The following VPS51 variants were observed in gnomAD, a reference collection of about 807,000 sequenced individuals.
The protein encoded by VPS51 is VPS51 subunit of GARP complex, also known as vacuolar protein sorting-associated protein 51 homolog.
Under a neutral mutation model 65.1 loss-of-function variants are expected in VPS51, and 55 were observed. The observed-to-expected ratio is 0.84, with a 90% CI of 0.68 to 1.06. The LOEUF (loss-of-function observed/expected upper bound fraction) is 1.06. Among genes scored for constraint, VPS51 ranks in the 50% least tolerant of loss-of-function variants. The pLI, the probability that VPS51 is intolerant of heterozygous loss-of-function variation, is 0.00. For missense variants in VPS51, 943 were observed against 1,101.6 expected (o/e 0.86, Z 2.04); for synonymous variants, 473 against 489.5 (o/e 0.97, Z 0.44).
chr11:65,108,143 G>T, intron 4 of VPS51, 54 bp from the exon 5 acceptor site: 1 of 1,575,766 alleles, frequency 6.3e-7, no homozygotes. Context: ...TCCTGCTCCT[G>T]CCCCATCCAC....
At chr11:65,109,073 G>C (rs1947868177) in intron 5 of VPS51, 159 bp downstream of exon 5, 1 of 1,068,880 alleles carries the variant, frequency 9.4e-7, no homozygotes, top group African/African-American at 1.6e-5. Flanking sequence ...GGCATCTGCA[G>C]CTGGGCTGAG....
Position 65,107,553 on chromosome 11 carries a change from C to T in VPS51, c.359-28C>T. 6.4e-7 allele frequency: 1 copy of T among 1,559,474 alleles called. No individual in the cohort carries two copies. Among genetic ancestry groups the T allele is most frequent in the Non-Finnish European group, 8.7e-7 (1 of 1,145,304 alleles). On this transcript the variant is annotated intron_variant, in intron 2 of 9. Transcript: ENST00000279281. The surrounding 1 kb of genome is among the most constrained non-coding windows in gnomAD (Gnocchi z 4.0). ...CGCCCGCCCTGCAGTCACCTGCTCT[C>T]CCCTTTTCCCCGCCCCTGCCCTCCT... is the stretch of plus-strand genomic sequence containing the variant.
intron 2 of VPS51, among the ~76,000 whole-genome samples, chr11:65,105,985 C>T (rs553100977): frequency 2.6e-4 from 40 of 152,356 alleles, no homozygotes; most frequent in African/African-American, 6.3e-4. Context: ...GAGCTGAGAT[C>T]GCGCCACTGC....
At chr11:65,106,431 A>G (rs1590812072) in intron 2 of VPS51, among the ~76,000 whole-genome samples, 2 of 152,218 alleles carry the variant, frequency 1.3e-5, no homozygotes, top group Non-Finnish European at 2.9e-5. Flanking sequence ...AGAAGTGTTA[A>G]GCGAAGCAGG....
Position 65,107,951 on chromosome 11 carries a change from G to A in VPS51, c.654G>A (p.Ser218=). The A allele has an allele frequency of 1.3e-6, 2 of 1,567,352 alleles. No individual in the cohort carries two copies. The highest frequency in any genetic ancestry group is 8.6e-7 in the Non-Finnish European group (1 of 1,159,100). ...AVLQQYQHLP[S]FRAIQDDCQV... is the part of the protein sequence containing the mutation. ...TGCAGCAGTACCAACACCTGCCCTC[G>A]TTCCGCGCCATCCAGGACGACTGCC... Residue 218 remains serine, a synonymous_variant, in exon 4 of 10, where the codon TCG becomes TCA. Coordinates refer to ENST00000279281, the MANE Select transcript of VPS51 (RefSeq NM_013265.4). The surrounding 1 kb of genome is among the most constrained non-coding windows in gnomAD (Gnocchi z 4.0).
chr11:65,111,066 C>T (rs1590814649), intron 9 of VPS51: 3 of 709,068 alleles, frequency 4.2e-6, no homozygotes, highest in East Asian at 5.4e-5. Context: ...GGGTCCTCCC[C>T]AGGGTTTTCT....
chr11:65,104,169 T>G (rs1947827399), intron 2 of VPS51, among the ~76,000 whole-genome samples: 1 of 152,244 alleles, frequency 6.6e-6, no homozygotes, highest in Non-Finnish European at 1.5e-5. Flanking sequence ...CGTCAAGTGA[T>G]CTGCCTGCCT....
intron 2 of VPS51, among the ~76,000 whole-genome samples, chr11:65,098,488 T>A (rs1947785958): frequency 1.3e-5 from 2 of 152,230 alleles, no homozygotes; most frequent in Admixed American, 1.3e-4. Context: ...CTACTCAGAC[T>A]TTTGTAGTAA....
Position 65,107,519 on chromosome 11 carries a change from C to T in VPS51, c.359-62C>T. ...CTGTGAAGGGGTGGGTGAGAAGGAG[C>T]TGAGGTTGCGCCCGCCCTGCAGTCA... On this transcript the variant is annotated intron_variant, in intron 2 of 9. Coordinates refer to ENST00000279281, the MANE Select transcript of VPS51 (RefSeq NM_013265.4). The surrounding 1 kb of genome is among the most constrained non-coding windows in gnomAD (Gnocchi z 4.0). The T allele has an allele frequency of 6.5e-7, 1 of 1,532,328 alleles. No individual in the cohort carries two copies. The highest frequency in any genetic ancestry group is 8.8e-7 in the Non-Finnish European group (1 of 1,134,592). 94.9% of individuals were successfully genotyped at this position (1,532,328 alleles called of 1,614,324 possible). A position where few individuals can be genotyped will look rare whatever the true frequency, so the allele number is the denominator to read the frequency against.
Position 65,110,508 on chromosome 11 carries a change from TC to T in VPS51, c.1906del (p.Arg636AlafsTer40), listed in dbSNP as rs1201361813. The T allele has an allele frequency of 5.0e-6, 8 of 1,613,898 alleles. No homozygotes were observed. Among genetic ancestry groups the T allele is most frequent in the Non-Finnish European group, 6.8e-6 (8 of 1,180,000 alleles). ...QVGLLYEEGV[R>X]KAQSSDSSKR... Reference sequence around the variant, plus strand: ...TGGGGCTCCTGTACGAAGAGGGTGTTCGCAAGGCCCAGAGCAGCGACTCCAG... The same window carrying T: ...TGGGGCTCCTGTACGAAGAGGGTGTTGCAAGGCCCAGAGCAGCGACTCCAG... On this transcript the variant is annotated frameshift_variant, in exon 8 of 10. Coordinates refer to ENST00000279281, the MANE Select transcript of VPS51 (RefSeq NM_013265.4). LOFTEE classifies it high-confidence loss of function.
chr11:65,107,456 TG>T lies in VPS51; in HGVS notation c.359-123del. ...ACCCACGCCCTCGCAGTCCTTTCTC[TG>T]GAATCATCCATGCGCCCCTGGAGCA... On this transcript the variant is annotated intron_variant, in intron 2 of 9. Coordinates refer to ENST00000279281, the MANE Select transcript of VPS51 (RefSeq NM_013265.4). The surrounding 1 kb of genome is among the most constrained non-coding windows in gnomAD (Gnocchi z 4.0). 8.2e-7 allele frequency: 1 copy of T among 1,215,150 alleles called. No homozygotes were observed. The highest frequency in any genetic ancestry group is 1.1e-6 in the Non-Finnish European group (1 of 875,032). The allele number at this position is 1,215,150 out of a possible 1,614,324, so 75.3% of individuals were successfully genotyped here. A position where few individuals can be genotyped will look rare whatever the true frequency, so the allele number is the denominator to read the frequency against.
intron 9 of VPS51, 116 bp from the exon 10 acceptor site, chr11:65,111,211 T>C: frequency 1.3e-6 from 2 of 1,489,482 alleles, no homozygotes; most frequent in Non-Finnish European, 1.8e-6. Flanking sequence ...CCCGGAGACT[T>C]TCTGCCTCAT....
At position 65,110,769 on chromosome 11, in the gene VPS51, G is replaced by A. The variant is rs768520921; in HGVS notation, c.2076G>A (p.Val692=). The A allele has an allele frequency of 6.2e-7, 1 of 1,613,986 alleles. No homozygotes were observed. The highest frequency in any genetic ancestry group is 2.2e-5 in the East Asian group (1 of 44,898). Residue 692 remains valine (V), a synonymous_variant, in exon 9 of 10, where the codon GTG becomes GTA. Transcript: ENST00000279281. ...FSERIDVFSP[V]EFNKVSVLTG... is the part of the protein sequence containing the mutation. The stretch of plus-strand genomic sequence containing the variant: ...AACGTATTGATGTGTTCAGCCCTGT[G>A]GAGTTCAACAAGGTCCGACTTCCAA...
At chr11:65,111,091 C>A in intron 9 of VPS51, 1 of 749,770 alleles carries the variant, frequency 1.3e-6, no homozygotes, top group Non-Finnish European at 2.3e-6. Flanking sequence ...ACCCATGGTC[C>A]CTGCCCCGCC....
chr11:65,098,984 T>C (rs1220776310), intron 2 of VPS51, among the ~76,000 whole-genome samples: 2 of 152,102 alleles, frequency 1.3e-5, no homozygotes, highest in Non-Finnish European at 2.9e-5. Flanking sequence ...GGCTAGGAGT[T>C]CAAGACCAGC....
chr11:65,108,315 AAGG>A lies in VPS51; in HGVS notation c.847_849del (p.Glu283del). On this transcript the variant is annotated inframe_deletion, in exon 5 of 10. Coordinates refer to ENST00000279281, the MANE Select transcript of VPS51 (RefSeq NM_013265.4). ...GGCGCACGCCCGCGGCCGGCTGGAG[AAGG>A]AGCTGAGAAACCTGGAGGCCGAGCT... is the stretch of plus-strand genomic sequence containing the variant. 6.2e-7 allele frequency: 1 copy of A among 1,609,540 alleles called. No individual in the cohort carries two copies. The highest frequency in any genetic ancestry group is 8.5e-7 in the Non-Finnish European group (1 of 1,178,716).
intron 2 of VPS51, among the ~76,000 whole-genome samples, chr11:65,098,794 G>A (rs1385334667): frequency 6.6e-6 from 1 of 152,230 alleles, no homozygotes; most frequent in African/African-American, 2.4e-5. Flanking sequence ...GTTGGAATGT[G>A]TATAATAATA....
intron 2 of VPS51, among the ~76,000 whole-genome samples, chr11:65,101,485 C>T (rs1406351063): frequency 6.6e-6 from 1 of 151,954 alleles, no homozygotes; most frequent in Admixed American, 6.6e-5. Flanking sequence ...ATTAACAGAG[C>T]CCAGGTGGGA....
In VPS51 at chr11:65,108,561, G is replaced by T; in HGVS notation, c.1090G>T (p.Asp364Tyr). 6.4e-7 allele frequency: 1 copy of T among 1,564,196 alleles called. No individual in the cohort carries two copies. The highest frequency in any genetic ancestry group is 1.1e-5 in the South Asian group (1 of 87,238). Residue 364 changes from aspartate (D) to tyrosine (Y), a missense_variant, in exon 5 of 10, where the codon GAC becomes TAC. Asp to Tyr is a radical substitution (Grantham distance 160). This residue lies in a region of VPS51 where 855 missense variants were observed against 953.7 expected (regional missense o/e 0.90). Coordinates refer to ENST00000279281, the MANE Select transcript of VPS51 (RefSeq NM_013265.4). Reference sequence around the variant, plus strand: ...GCTGGCGCAGGAGCAGGGTGGTGGTGACAACTCACTGCTGGTGCGGGCGCT... The same window carrying T: ...GCTGGCGCAGGAGCAGGGTGGTGGTTACAACTCACTGCTGGTGCGGGCGCT... The part of the protein sequence containing the change: ...RRLAQEQGGG[D>Y]NSLLVRALDR...
Sources: allele counts gnomAD v4.1 joint callset (sites outside exome capture counted in the v4.1 genomes callset), GRCh38; gene constraint gnomAD v4.1.1; regional missense constraint gnomAD v4.1.1; non-coding constraint Gnocchi (gnomAD v3.1); transcripts MANE v1.5; gene names NCBI Gene and HGNC (gene_info 2026-07-23, HGNC 2026-07-21).